Variants in PDSS2 observed in about 807,000 individuals in gnomAD.
PDSS2 encodes all trans-polyprenyl-diphosphate synthase PDSS2.
Under a neutral mutation model 44.5 loss-of-function variants are expected in PDSS2, and 31 were observed. The ratio of observed to expected loss-of-function variants is 0.70; its 90% CI spans 0.52 to 0.94. The LOEUF is 0.94. PDSS2 is among the 40% of genes least tolerant of loss of function. The probability of loss-of-function intolerance (pLI) is 0.00; values close to 1 mark genes in which losing one functional copy is unlikely to be tolerated. For synonymous variants in PDSS2, 157 were observed against 180.3 expected (o/e 0.87, Z 1.03); for missense variants, 452 against 482.2 (o/e 0.94, Z 0.59).
intron 6 of PDSS2, among the ~76,000 whole-genome samples, chr6:107,199,637 C>T (rs1772701862): frequency 6.6e-6 from 1 of 152,224 alleles, no homozygotes; most frequent in Non-Finnish European, 1.5e-5. Context: ...TCTACAATCT[C>T]CCAAGCTCCA....
intron 1 of PDSS2, among the ~76,000 whole-genome samples, chr6:107,425,391 G>A (rs1240051795): frequency 6.6e-6 from 1 of 152,194 alleles, no homozygotes. Context: ...TGACAAAAAT[G>A]CTGACAGTGA....
chr6:107,258,247 A>T (rs1014380874), intron 3 of PDSS2, among the ~76,000 whole-genome samples: 9 of 152,132 alleles, frequency 5.9e-5, no homozygotes, highest in Non-Finnish European at 1.5e-5. Flanking sequence ...TTTATATAAG[A>T]TATTGGCTTC....
At chr6:107,376,329 T>C (rs972775868) in intron 1 of PDSS2, among the ~76,000 whole-genome samples, 2 of 151,974 alleles carry the variant, frequency 1.3e-5, no homozygotes, top group East Asian at 1.9e-4. Flanking sequence ...GGGGATGGCA[T>C]TGAATCTATA....
intron 3 of PDSS2, among the ~76,000 whole-genome samples, chr6:107,262,847 C>T (rs774973766): frequency 6.6e-6 from 1 of 151,746 alleles, no homozygotes; most frequent in African/African-American, 2.4e-5. Context: ...TTGGGGAGGC[C>T]AAGGATCATT....
At chr6:107,350,822 TAAAC>T (rs1778410156) in intron 1 of PDSS2, among the ~76,000 whole-genome samples, 1 of 151,212 alleles carries the variant, frequency 6.6e-6, no homozygotes, top group South Asian at 2.1e-4. Flanking sequence ...AAAAAAAAAG[TAAAC>T]AAACAGGGAA....
At chr6:107,176,332 C>T (rs1049584961) in intron 7 of PDSS2, among the ~76,000 whole-genome samples, 6 of 151,858 alleles carry the variant, frequency 4.0e-5, no homozygotes, top group Admixed American at 6.6e-5. Flanking sequence ...TGAGCCCCTG[C>T]GCCCGGCCAA....
chr6:107,429,696 C>G (rs1306103117), intron 1 of PDSS2, among the ~76,000 whole-genome samples: 1 of 151,282 alleles, frequency 6.6e-6, no homozygotes, highest in Non-Finnish European at 1.5e-5. Context: ...ACCAGCCTGA[C>G]CAACATGGAG....
At chr6:107,313,445 T>A (rs1034049678) in intron 2 of PDSS2, among the ~76,000 whole-genome samples, 8 of 152,064 alleles carry the variant, frequency 5.3e-5, no homozygotes, top group Non-Finnish European at 1.2e-4. Flanking sequence ...CTCTGCCTCC[T>A]AGATTCAAGC....
intron 2 of PDSS2, among the ~76,000 whole-genome samples, chr6:107,309,416 A>G (rs1776962340): frequency 1.3e-5 from 2 of 152,228 alleles, no homozygotes; most frequent in South Asian, 4.1e-4. Flanking sequence ...GGTGATACAG[A>G]CAACACTCTG....
chr6:107,357,197 C>A (rs758035716), intron 1 of PDSS2, among the ~76,000 whole-genome samples: 36 of 152,206 alleles, frequency 2.4e-4, no homozygotes, highest in Non-Finnish European at 4.7e-4. Flanking sequence ...TCTTCCTGCA[C>A]ATAAAATAGG....
intron 2 of PDSS2, among the ~76,000 whole-genome samples, chr6:107,319,041 C>G (rs1777301861): frequency 6.6e-6 from 1 of 151,732 alleles, no homozygotes; most frequent in South Asian, 2.1e-4. Context: ...CACACACACA[C>G]ACTACACACA....
At chr6:107,284,617 C>T (rs1776080970) in intron 2 of PDSS2, among the ~76,000 whole-genome samples, 1 of 149,636 alleles carries the variant, frequency 6.7e-6, no homozygotes, top group Non-Finnish European at 1.5e-5. Flanking sequence ...GCCGAGATGG[C>T]GCCATCACAC....
intron 7 of PDSS2, among the ~76,000 whole-genome samples, chr6:107,171,367 C>T (rs1771568521): frequency 6.6e-6 from 1 of 151,664 alleles, no homozygotes; most frequent in African/African-American, 2.4e-5. Context: ...TGCCATGTTG[C>T]CCAGAGGCTG....
chr6:107,332,549 C>G (rs1263325511), intron 2 of PDSS2, among the ~76,000 whole-genome samples: 1 of 151,722 alleles, frequency 6.6e-6, no homozygotes, highest in Non-Finnish European at 1.5e-5. Flanking sequence ...TAATTTAATG[C>G]TAGTCTGATC....
intron 3 of PDSS2, among the ~76,000 whole-genome samples, chr6:107,262,642 C>T (rs1023613445): frequency 1.3e-5 from 2 of 152,000 alleles, no homozygotes; most frequent in African/African-American, 2.4e-5. Context: ...CATGGTGGCA[C>T]GTGCCTGTAG....
intron 7 of PDSS2, among the ~76,000 whole-genome samples, chr6:107,183,062 A>C (rs188699037): frequency 3.9e-4 from 60 of 152,192 alleles, no homozygotes; most frequent in African/African-American, 1.3e-3. Flanking sequence ...AAATTAAAAA[A>C]TTAGCTGGGT....
chr6:107,378,129 C>T (rs1779346090), intron 1 of PDSS2, among the ~76,000 whole-genome samples: 1 of 149,920 alleles, frequency 6.7e-6, no homozygotes, highest in South Asian at 2.1e-4. Flanking sequence ...AAGAAGGAAG[C>T]TTCCTCAACC....
In PDSS2 at chr6:107,165,391, A is replaced by C. The variant is rs188056769; in HGVS notation, c.1042-10614T>G. Among the ~76,000 whole-genome samples, 980 of 152,328 alleles carry C rather than the reference A, an allele frequency of 6.4e-3. 12 individuals carry two copies. The highest frequency in any genetic ancestry group is 0.023 in the African/African-American group (937 of 41,576). ...TTCAGCTTTCTACATATGGCTAGCC[A>C]GTTTTCCCAGCACCATTTATTAAAT... On this transcript the variant is annotated intron_variant, in intron 7 of 7. Coordinates refer to ENST00000369037, the MANE Select transcript of PDSS2 (RefSeq NM_020381.4).
chr6:107,448,226 T>C (rs1384673224), intron 1 of PDSS2, among the ~76,000 whole-genome samples: 3 of 152,236 alleles, frequency 2.0e-5, no homozygotes, highest in African/African-American at 7.2e-5. Context: ...ATTTGGCTCC[T>C]CATTACTTAT....
Sources: gnomAD v4.1 joint callset for allele counts (sites outside exome capture counted in the v4.1 genomes callset) on GRCh38, gnomAD v4.1.1 for gene constraint, MANE v1.5 for transcripts, NCBI Gene and HGNC (gene_info 2026-07-23, HGNC 2026-07-21) for gene names.